The following SNRPN variants were observed in gnomAD, a reference collection of about 807,000 sequenced individuals.
SNRPN encodes small nuclear ribonucleoprotein-associated protein N.
In SNRPN, 7 loss-of-function variants were observed where a neutral mutation model predicts 25.2. That is an observed-to-expected ratio of 0.28 (90% CI 0.16 to 0.52). SNRPN has a LOEUF of 0.52. Ranked by LOEUF, SNRPN falls within the 20% of genes least tolerant of loss-of-function variation. The pLI is 0.96. For synonymous variants in SNRPN, 124 were observed against 110.6 expected (o/e 1.12, Z -0.76); for missense variants, 196 against 322.5 (o/e 0.61, Z 3.00).
chr15:24,845,260 T>C (rs2052083883), intron 2 of SNRPN, among the ~76,000 whole-genome samples: 1 of 152,218 alleles, frequency 6.6e-6, no homozygotes, highest in Non-Finnish European at 1.5e-5. Flanking sequence ...CTATTTATCC[T>C]TACACCAATA....
At chr15:24,871,307 A>C (rs2055101030) in intron 1 of SNRPN, among the ~76,000 whole-genome samples, 1 of 152,036 alleles carries the variant, frequency 6.6e-6, no homozygotes, top group South Asian at 2.1e-4. Flanking sequence ...TATTACCCTA[A>C]AGAAATTCCA....
At chr15:24,967,693 A>G (rs2075848702) in intron 2 of SNRPN, among the ~76,000 whole-genome samples, 1 of 151,116 alleles carries the variant, frequency 6.6e-6, no homozygotes. Flanking sequence ...CTGTAATCCC[A>G]GCTACTTGGG....
chr15:24,931,739 G>A (rs1045270910), intron 3 of SNRPN, among the ~76,000 whole-genome samples: 2 of 150,504 alleles, frequency 1.3e-5, no homozygotes, highest in Admixed American at 6.7e-5. Flanking sequence ...TCAGGGGGCT[G>A]AGGTGGGAGA....
chr15:24,906,360 C>G (rs561882429), intron 2 of SNRPN, among the ~76,000 whole-genome samples: 29 of 152,180 alleles, frequency 1.9e-4, no homozygotes, highest in African/African-American at 7.0e-4. Context: ...CTTGAGCTCC[C>G]AAGCTCAACT....
At chr15:24,868,389 T>G (rs2054790859) in intron 1 of SNRPN, among the ~76,000 whole-genome samples, 1 of 152,186 alleles carries the variant, frequency 6.6e-6, no homozygotes, top group Non-Finnish European at 1.5e-5. Context: ...CTTCCCATGT[T>G]GGCTTCTCCC....
chr15:24,850,023 C>T (rs1261828339), intron 2 of SNRPN: 1 of 152,178 alleles, frequency 6.6e-6, no homozygotes, highest in African/African-American at 2.4e-5. Context: ...CTTCACACCA[C>T]CCTCTGTGGC....
intron 1 of SNRPN, among the ~76,000 whole-genome samples, chr15:24,868,110 GGT>G (rs200926017): frequency 1.1e-4 from 16 of 142,602 alleles, no homozygotes; most frequent in African/African-American, 2.4e-4. Flanking sequence ...CATGTATATG[GGT>G]GTGTGTGTGT....
chr15:24,866,951 GTA>G (rs147231595), intron 1 of SNRPN, among the ~76,000 whole-genome samples: 2,776 of 152,120 alleles, frequency 0.018, 98 homozygotes, highest in African/African-American at 0.064. Context: ...GGTTGATTCC[GTA>G]TGTTTGCTAT....
chr15:24,976,031 T>A (rs2077020609), intron 5 of SNRPN, among the ~76,000 whole-genome samples: 2 of 152,232 alleles, frequency 1.3e-5, no homozygotes, highest in African/African-American at 4.8e-5. Flanking sequence ...ATTTTGTTTT[T>A]CTTAAAAGGT....
At chr15:24,903,916 C>G (rs946568088) in intron 2 of SNRPN, among the ~76,000 whole-genome samples, 17 of 151,888 alleles carry the variant, frequency 1.1e-4, no homozygotes, top group African/African-American at 4.1e-4. Flanking sequence ...CGCCTGTGGT[C>G]CCAGGTATTT....
chr15:24,836,127 C>G (rs774940113), intron 2 of SNRPN, among the ~76,000 whole-genome samples: 8 of 152,086 alleles, frequency 5.3e-5, no homozygotes, highest in East Asian at 1.9e-4. Flanking sequence ...GCCACCTTCT[C>G]TCTGTGCTCT....
intron 3 of SNRPN, among the ~76,000 whole-genome samples, chr15:24,972,597 G>T: frequency 7.0e-6 from 1 of 143,740 alleles, no homozygotes; most frequent in African/African-American, 2.6e-5. Flanking sequence ...AGGCTGGAGT[G>T]CAATGGTGCG....
At chr15:24,973,786 G>T (rs1164035180) in intron 3 of SNRPN, among the ~76,000 whole-genome samples, 1 of 152,178 alleles carries the variant, frequency 6.6e-6, no homozygotes, top group Non-Finnish European at 1.5e-5. Flanking sequence ...CCATAGTCAT[G>T]TGTTCTCTTT....
In SNRPN at chr15:24,955,652, GACC is replaced by G. The variant is rs1408559577; in HGVS notation, c.-391+592_-391+594del. Among the ~76,000 whole-genome samples, 595 of 146,688 alleles carry G rather than the reference GACC, an allele frequency of 4.1e-3. 4 individuals carry two copies. The highest frequency in any genetic ancestry group is 0.014 in the African/African-American group (559 of 39,490). On this transcript the variant is annotated intron_variant, in intron 1 of 9. Coordinates refer to ENST00000390687, the MANE Select transcript of SNRPN (RefSeq NM_003097.6). The stretch of plus-strand genomic sequence containing the variant: ...CCGAGGCGAGGAGGCTATGGCAGTG[GACC>G]AGGGGGATGAGTCGGTGTGACAGTG...
intron 3 of SNRPN, chr15:24,968,311 T>C: frequency 3.0e-6 from 1 of 333,432 alleles, no homozygotes; most frequent in African/African-American, 2.1e-5. Context: ...CAGGTAGTTT[T>C]CTTTTGCGTT....
chr15:24,884,650 T>C (rs904259009), intron 1 of SNRPN, among the ~76,000 whole-genome samples: 3 of 152,206 alleles, frequency 2.0e-5, no homozygotes, highest in African/African-American at 7.2e-5. Flanking sequence ...CTTAAAGCTT[T>C]CCATAGTATT....
intron 2 of SNRPN, among the ~76,000 whole-genome samples, chr15:24,964,000 C>G (rs1313924871): frequency 6.6e-6 from 1 of 151,918 alleles, no homozygotes; most frequent in Non-Finnish European, 1.5e-5. Context: ...CCACTGTACT[C>G]CAGTCTAGGT....
intron 3 of SNRPN, among the ~76,000 whole-genome samples, chr15:24,922,720 C>G (rs1451807239): frequency 6.6e-6 from 1 of 151,662 alleles, no homozygotes; most frequent in Non-Finnish European, 1.5e-5. Context: ...GTGTGTAATT[C>G]CAGCTTCTTA....
In SNRPN at chr15:24,918,574, A is replaced by ATATATAACATAATATATATGTGTG. The variant is rs1566909290; in HGVS notation, c.-504-1431_-504-1430insACATAATATATATGTGTGTATATA. 1.1e-3 allele frequency among the ~76,000 whole-genome samples: 50 copies of ATATATAACATAATATATATGTGTG among 46,084 alleles called. 15 individuals carry two copies. The highest frequency in any genetic ancestry group is 4.4e-3 in the African/African-American group (46 of 10,422). 30.2% of individuals were successfully genotyped at this position (46,084 alleles called of 152,430 possible). A position where few individuals can be genotyped will look rare whatever the true frequency, so the allele number is the denominator to read the frequency against. ...TGTATATATAACATAATATATATGTATATATATAACATAATATATATGTAT... is the reference window on the plus strand; with the variant it reads ...TGTATATATAACATAATATATATGTATATATAACATAATATATATGTGTGTATATATAACATAATATATATGTAT... On this transcript the variant is annotated intron_variant, in intron 2 of 11. Transcript: ENST00000400097.
Sources: gnomAD v4.1 joint callset for allele counts (sites outside exome capture counted in the v4.1 genomes callset) on GRCh38, gnomAD v4.1.1 for gene constraint, MANE v1.5 for transcripts, NCBI Gene and HGNC (gene_info 2026-07-23, HGNC 2026-07-21) for gene names.